CCSER1: variants seen among roughly 807,000 people sequenced by gnomAD.
CCSER1 encodes the protein serine-rich coiled-coil domain-containing protein 1.
CCSER1 carries 41 observed loss-of-function variants against 82.0 expected under a neutral mutation model. The ratio of observed to expected loss-of-function variants is 0.50; its 90% confidence interval spans 0.39 to 0.65. The LOEUF (loss-of-function observed/expected upper bound fraction) is 0.65. CCSER1 is among the 30% of genes least tolerant of loss of function. The probability of loss-of-function intolerance (pLI) is 0.00; values close to 1 mark genes in which losing one functional copy is unlikely to be tolerated. For synonymous variants in CCSER1, 414 were observed against 383.9 expected, an observed-to-expected ratio of 1.08 and a Z score of -0.92; for missense variants, 1,119 against 1,064.2, an observed-to-expected ratio of 1.05 and a Z score of -0.72.
At chr4:91,114,028 A>G (rs1467562901) in intron 10 of CCSER1, among the ~76,000 whole-genome samples, 1 of 151,652 alleles carries the variant, frequency 6.6e-6, no homozygotes, top group Non-Finnish European at 1.5e-5. Flanking sequence ...AATTTTTTGT[A>G]TTTTTAGTAG....
At chr4:91,351,155 T>TG (rs1748443723) in intron 10 of CCSER1, among the ~76,000 whole-genome samples, 2 of 152,102 alleles carry the variant, frequency 1.3e-5, no homozygotes, top group South Asian at 4.1e-4. Flanking sequence ...AACTATATTA[T>TG]GGGGAGAATA....
chr4:91,442,865 T>C (rs1380981566), intron 10 of CCSER1, among the ~76,000 whole-genome samples: 1 of 152,022 alleles, frequency 6.6e-6, no homozygotes, highest in Non-Finnish European at 1.5e-5. Context: ...AAAAAACACA[T>C]GAAAAACTGC....
intron 7 of CCSER1, among the ~76,000 whole-genome samples, chr4:90,790,130 TC>T (rs924491597): frequency 6.6e-6 from 1 of 152,166 alleles, no homozygotes; most frequent in Non-Finnish European, 1.5e-5. Flanking sequence ...TTAGTTTAAA[TC>T]TTAATTATTT....
At chr4:90,278,974 G>A (rs1728416294) in intron 1 of CCSER1, among the ~76,000 whole-genome samples, 1 of 152,040 alleles carries the variant, frequency 6.6e-6, no homozygotes, top group South Asian at 2.1e-4. Flanking sequence ...GTTTATACCT[G>A]GGAAAGTCCA....
intron 5 of CCSER1, among the ~76,000 whole-genome samples, chr4:90,505,118 C>T (rs140646288): frequency 5.1e-4 from 77 of 152,210 alleles, no homozygotes; most frequent in Admixed American, 2.6e-3. Context: ...ACTACAAACA[C>T]GATAATGAAA....
At chr4:90,169,106 G>A (rs1731128421) in intron 1 of CCSER1, among the ~76,000 whole-genome samples, 1 of 152,018 alleles carries the variant, frequency 6.6e-6, no homozygotes, top group Non-Finnish European at 1.5e-5. Context: ...TCCTACCCAT[G>A]AGCATGGAAT....
chr4:90,717,848 A>G (rs1398083857), intron 6 of CCSER1, among the ~76,000 whole-genome samples: 1 of 151,450 alleles, frequency 6.6e-6, no homozygotes, highest in Admixed American at 6.6e-5. Context: ...GGTATTCTGT[A>G]TTCCCTTTCT....
intron 10 of CCSER1, among the ~76,000 whole-genome samples, chr4:91,426,054 A>G (rs1383794049): frequency 6.6e-6 from 1 of 151,982 alleles, no homozygotes. Flanking sequence ...CCACATCCCA[A>G]TAGGCCCCGA....
At chr4:90,932,935 AAAG>A (rs1730096808) in intron 9 of CCSER1, among the ~76,000 whole-genome samples, 2 of 34,526 alleles carry the variant, frequency 5.8e-5, no homozygotes, top group African/African-American at 2.2e-4. Flanking sequence ...AGAAAGAAAG[AAAG>A]AAAGAAAGAA....
Position 90,475,689 on chromosome 4 carries a change from C to G in CCSER1, c.1724+7335C>G, listed in dbSNP as rs151052203. ...AGGACTCTAGAGTTAGTCAGGGAGG[C>G]TGTAGTGTTTTTGTGAATTATCTGG... On this transcript the variant is annotated intron_variant, in intron 5 of 10. Transcript: ENST00000509176. Among the ~76,000 whole-genome samples, 532 of 152,180 alleles carry G rather than the reference C, an allele frequency of 3.5e-3. 2 individuals carry two copies. The highest frequency in any genetic ancestry group is 0.012 in the African/African-American group (514 of 41,544).
intron 3 of CCSER1, among the ~76,000 whole-genome samples, chr4:90,313,393 C>T (rs997938343): frequency 3.3e-5 from 5 of 152,116 alleles, no homozygotes; most frequent in African/African-American, 4.8e-5. Context: ...ACCATATAGC[C>T]CTCCAGAAAA....
intron 10 of CCSER1, among the ~76,000 whole-genome samples, chr4:91,278,960 A>T (rs1742689746): frequency 6.6e-6 from 1 of 152,118 alleles, no homozygotes; most frequent in African/African-American, 2.4e-5. Flanking sequence ...TCTAGTGGTT[A>T]TGAATTCCCT....
At chr4:91,194,553 T>G (rs538001879) in intron 10 of CCSER1, among the ~76,000 whole-genome samples, 17 of 152,202 alleles carry the variant, frequency 1.1e-4, no homozygotes, top group African/African-American at 3.1e-4. Flanking sequence ...AGAAAAAAAA[T>G]TATTGATTGT....
chr4:91,299,535 C>T (rs757087017), intron 10 of CCSER1, among the ~76,000 whole-genome samples: 32 of 151,600 alleles, frequency 2.1e-4, no homozygotes, highest in Non-Finnish European at 4.3e-4. Flanking sequence ...CCTTTTTTTG[C>T]AGATGAAAAA....
chr4:90,555,842 AC>A (rs1355877033), intron 5 of CCSER1, among the ~76,000 whole-genome samples: 2 of 152,112 alleles, frequency 1.3e-5, no homozygotes, highest in Non-Finnish European at 2.9e-5. Flanking sequence ...TGAACATCAT[AC>A]ATCTTAGATT....
chr4:91,505,388 A>C (rs1248310021), intron 10 of CCSER1, among the ~76,000 whole-genome samples: 1 of 152,226 alleles, frequency 6.6e-6, no homozygotes, highest in African/African-American at 2.4e-5. Flanking sequence ...TAATGTGAAT[A>C]GTGCTGCAAT....
At chr4:90,880,139 A>G (rs1721076519) in intron 8 of CCSER1, among the ~76,000 whole-genome samples, 1 of 152,128 alleles carries the variant, frequency 6.6e-6, no homozygotes, top group South Asian at 2.1e-4. Flanking sequence ...GCTCTCTGAA[A>G]GTGTGGGTTC....
At chr4:90,652,737 C>T (rs901274396) in intron 6 of CCSER1, among the ~76,000 whole-genome samples, 10 of 152,104 alleles carry the variant, frequency 6.6e-5, no homozygotes, top group South Asian at 2.1e-4. Context: ...AAACTATTTA[C>T]AAGTTAATCT....
At chr4:90,996,911 C>T (rs1179079420) in intron 9 of CCSER1, among the ~76,000 whole-genome samples, 2 of 152,074 alleles carry the variant, frequency 1.3e-5, no homozygotes, top group African/African-American at 2.4e-5. Context: ...CCTTAAAGGA[C>T]ATTTGGATTA....
Sources: gnomAD v4.1 joint callset for allele counts (sites outside exome capture counted in the v4.1 genomes callset) on GRCh38, gnomAD v4.1.1 for gene constraint, MANE v1.5 for transcripts, NCBI Gene and HGNC (gene_info 2026-07-23, HGNC 2026-07-21) for gene names.